Variants in CCT8L2 observed in about 807,000 individuals in gnomAD.
The protein encoded by CCT8L2 is chaperonin containing TCP1 subunit 8 like 2, also known as T-complex protein 1 subunit theta-like 2.
A neutral mutation model predicts 31.5 loss-of-function variants in CCT8L2; 29 were observed. The ratio of observed to expected loss-of-function variants is 0.92; its 90% CI spans 0.68 to 1.25. The LOEUF is 1.25. Ranked by LOEUF, CCT8L2 falls within the 50% of genes most tolerant of loss-of-function variation. CCT8L2 has a pLI of 0.00. For missense variants in CCT8L2, 589 were observed against 695.7 expected, an observed-to-expected ratio of 0.85 and a Z score of 1.73; for synonymous variants, 256 against 290.1, an observed-to-expected ratio of 0.88 and a Z score of 1.19.
Position 16,592,142 on chromosome 22 carries a change from C to G in CCT8L2, c.409G>C (p.Ala137Pro), listed in dbSNP as rs368569729. The G allele has an allele frequency of 6.2e-7, 1 of 1,614,148 alleles. No individual in the cohort carries two copies. The highest frequency in any genetic ancestry group is 1.7e-5 in the Admixed American group (1 of 60,020). ...GCCAGGACCTCTGCAGTGGCCGTGG[C>G]GTAGGCCTCCCGGAGCTGCGGGCGA... ...LPRPQLREAY[A>P]TATAEVLATL... The change falls in exon 1 of 1, where the codon GCC becomes CCC. Residue 137 changes from alanine to proline, a missense_variant. Physicochemically the swap from Ala to Pro is conservative, Grantham distance 27. Transcript: ENST00000359963.
chr22:16,591,392 T>A lies in CCT8L2; in HGVS notation c.1159A>T (p.Ser387Cys). Residue 387 changes from serine to cysteine, a missense_variant, in exon 1 of 1, where the codon AGT becomes TGT. Ser to Cys is a moderately radical substitution (Grantham distance 112). Transcript: ENST00000359963. ...LRGATTQGLR[S>C]AEQAVYHGID... ...CCGTGGTAGACGGCCTGCTCTGCAC[T>A]CCGCAGCCCCTGGGTGGTGGCTCCC... The A allele has an allele frequency of 1.2e-6, 2 of 1,614,046 alleles. 1 individual carries two copies. Among genetic ancestry groups the A allele is most frequent in the South Asian group, 2.2e-5 (2 of 91,082 alleles).
Position 16,591,150 on chromosome 22 carries a change from C to A in CCT8L2, c.1401G>T (p.Met467Ile). ...GGTTCCCACCTTGGTGCACTCCACTCATTTCTGCCATCACGTCTGAGACAG... is the reference window on the plus strand; with the variant it reads ...GGTTCCCACCTTGGTGCACTCCACTAATTTCTGCCATCACGTCTGAGACAG... ...GLAVSDVMAE[M>I]SGVHQGGNLL... is the part of the protein sequence containing the mutation. Residue 467 changes from methionine (M) to isoleucine (I), a missense_variant, in exon 1 of 1, where the codon ATG becomes ATT. Coordinates refer to ENST00000359963, the MANE Select transcript of CCT8L2 (RefSeq NM_014406.5). 1 of 1,614,030 alleles carries A rather than the reference C, an allele frequency of 6.2e-7. No homozygotes were observed. Among genetic ancestry groups the A allele is most frequent in the Non-Finnish European group, 8.5e-7 (1 of 1,179,882 alleles).
rs772536443 is a variant in CCT8L2, at chr22:16,592,004, G to A, written c.547C>T (p.Leu183=). 5 of 1,614,204 alleles carry A rather than the reference G, an allele frequency of 3.1e-6. No homozygotes were observed. The highest frequency in any genetic ancestry group is 1.7e-5 in the Admixed American group (1 of 60,036). ...ATAGCCCAGCAGGCGTGGGCCACCA[G>A]CTTGGTCAAGTGGTCCATGGGGGAC... is the stretch of plus-strand genomic sequence containing the variant. ...TLSPMDHLTK[L]VAHACWAIKE... is the part of the protein sequence containing the mutation. The change falls in exon 1 of 1, where the codon CTG becomes TTG. Residue 183 remains leucine (L), a synonymous_variant. Coordinates refer to ENST00000359963, the MANE Select transcript of CCT8L2 (RefSeq NM_014406.5).
Position 16,592,154 on chromosome 22 carries a change from G to A in CCT8L2, c.397C>T (p.Arg133Trp), listed in dbSNP as rs576628432. The A allele has an allele frequency of 8.3e-5, 134 of 1,614,128 alleles. 1 individual carries two copies. In the South Asian group the frequency reaches 1.2e-3, roughly 14 times the overall value. ...GCAGTGGCCGTGGCGTAGGCCTCCC[G>A]GAGCTGCGGGCGAGGCAGGCCAGCC... ...LKAGLPRPQL[R>W]EAYATATAEV... Residue 133 changes from arginine to tryptophan, a missense_variant, in exon 1 of 1, where the codon CGG (arginine) becomes TGG (tryptophan). Coordinates refer to ENST00000359963, the MANE Select transcript of CCT8L2 (RefSeq NM_014406.5).
Position 16,591,381 on chromosome 22 carries a change from C to T in CCT8L2, c.1170G>A (p.Gln390=), listed in dbSNP as rs2059589257. 6.2e-7 allele frequency: 1 copy of T among 1,613,926 alleles called. No homozygotes were observed. Among genetic ancestry groups the T allele is most frequent in the Non-Finnish European group, 8.5e-7 (1 of 1,179,888 alleles). ...ATTQGLRSAE[Q]AVYHGIDAYF... ...AGGCATCAATGCCGTGGTAGACGGCCTGCTCTGCACTCCGCAGCCCCTGGG... is the reference window on the plus strand; with the variant it reads ...AGGCATCAATGCCGTGGTAGACGGCTTGCTCTGCACTCCGCAGCCCCTGGG... The change falls in exon 1 of 1, where the codon CAG becomes CAA. Residue 390 remains glutamine, a synonymous_variant. Transcript: ENST00000359963.
Position 16,592,462 on chromosome 22 carries a change from T to G in CCT8L2, c.89A>C (p.Glu30Ala). The change falls in exon 1 of 1, where the codon GAG becomes GCG. Residue 30 changes from glutamate (E) to alanine (A), a missense_variant. Transcript: ENST00000359963. Reference sequence around the variant, plus strand: ...AGCCAAGCTGCTCAGCAGGTGGGGCTCCTCCTCTTCTGGACTCCTCGGGCT... The same window carrying G: ...AGCCAAGCTGCTCAGCAGGTGGGGCGCCTCCTCTTCTGGACTCCTCGGGCT... ...RESPRSPEEE[E>A]PHLLSSLAAV... is the part of the protein sequence containing the mutation. 1 of 1,614,086 alleles carries G rather than the reference T, an allele frequency of 6.2e-7. No homozygotes were observed. Among genetic ancestry groups the G allele is most frequent in the Non-Finnish European group, 8.5e-7 (1 of 1,180,030 alleles).
Position 16,591,931 on chromosome 22 carries a change from G to A in CCT8L2, c.620C>T (p.Ala207Val), listed in dbSNP as rs376606608. Residue 207 changes from alanine to valine, a missense_variant, in exon 1 of 1, where the codon GCG becomes GTG. Coordinates refer to ENST00000359963, the MANE Select transcript of CCT8L2 (RefSeq NM_014406.5). ...SFKPERVGVC[A>V]LPGGTLEDSC... Reference sequence around the variant, plus strand: ...ATCCTCCAGTGTCCCCCCGGGCAGCGCGCACACCCCAACACGCTCAGGCTT... The same window carrying A: ...ATCCTCCAGTGTCCCCCCGGGCAGCACGCACACCCCAACACGCTCAGGCTT... 30 of 1,613,974 alleles carry A rather than the reference G, an allele frequency of 1.9e-5. No homozygotes were observed. Among genetic ancestry groups the A allele is most frequent in the African/African-American group, 4.0e-5 (3 of 74,912 alleles).
At position 16,592,275 on chromosome 22, in the gene CCT8L2, T is replaced by A. The variant is rs528284128; in HGVS notation, c.276A>T (p.Glu92Asp). 6.2e-7 allele frequency: 1 copy of A among 1,614,250 alleles called. No homozygotes were observed. The highest frequency in any genetic ancestry group is 1.1e-5 in the South Asian group (1 of 91,084). The change falls in exon 1 of 1, where the codon GAA (glutamate) becomes GAT (aspartate). Residue 92 changes from glutamate (E) to aspartate (D), a missense_variant. Glu to Asp is a conservative substitution (Grantham distance 45, BLOSUM62 2). Transcript: ENST00000359963. ...LEHPAAWLLR[E>D]AGQTQAENSG... Reference sequence around the variant, plus strand: ...TATTCTCTGCCTGGGTTTGTCCTGCTTCCCGGAGGAGCCATGCTGCTGGGT... The same window carrying A: ...TATTCTCTGCCTGGGTTTGTCCTGCATCCCGGAGGAGCCATGCTGCTGGGT...
rs758005609 is a variant in CCT8L2 at position 16,592,242 on chromosome 22, G to A, written c.309C>T (p.Asp103=). 1.0e-4 allele frequency: 163 copies of A among 1,614,226 alleles called. No individual in the cohort carries two copies. The highest frequency in any genetic ancestry group is 4.1e-4 in the South Asian group (37 of 91,084). The change falls in exon 1 of 1, where the codon GAC becomes GAT. Residue 103 remains aspartate, a synonymous_variant. Transcript: ENST00000359963. ...AGQTQAENSG[D]GTAFVVLLTE... ...TCAGCAGAACCACGAAGGCTGTGCC[G>A]TCCCCACTATTCTCTGCCTGGGTTT...
Position 16,591,654 on chromosome 22 carries a change from G to A in CCT8L2, c.897C>T (p.Val299=), listed in dbSNP as rs141440063. ...GINVAVVLGE[V]DEETLTLADK... is the part of the protein sequence containing the mutation. ...CCGCCAGTGTGAGGGTCTCCTCGTCGACCTCCCCCAACACCACTGCCACAT... is the reference window on the plus strand; with the variant it reads ...CCGCCAGTGTGAGGGTCTCCTCGTCAACCTCCCCCAACACCACTGCCACAT... Residue 299 remains valine (V), a synonymous_variant, in exon 1 of 1, where the codon GTC becomes GTT. Coordinates refer to ENST00000359963, the MANE Select transcript of CCT8L2 (RefSeq NM_014406.5). 5.1e-5 allele frequency: 82 copies of A among 1,614,080 alleles called. No individual in the cohort carries two copies. In the African/African-American group the frequency reaches 5.5e-4, roughly 11 times the overall value.
chr22:16,591,369 G>A lies in CCT8L2; in HGVS notation c.1182C>T (p.His394=), dbSNP rs775966898. 40 of 1,613,932 alleles carry A rather than the reference G, an allele frequency of 2.5e-5. No individual in the cohort carries two copies. Among genetic ancestry groups the A allele is most frequent in the South Asian group, 1.6e-4 (15 of 91,084 alleles). Residue 394 remains histidine, a synonymous_variant, in exon 1 of 1, where the codon CAC becomes CAT. Transcript: ENST00000359963. ...GLRSAEQAVY[H]GIDAYFQLCQ... is the part of the protein sequence containing the mutation. ...ATAGCTGGAAATAGGCATCAATGCC[G>A]TGGTAGACGGCCTGCTCTGCACTCC...
At position 16,591,650 on chromosome 22, in the gene CCT8L2, C is replaced by T. The variant is rs2059590537; in HGVS notation, c.901G>A (p.Glu301Lys). The stretch of plus-strand genomic sequence containing the variant: ...TTGTCCGCCAGTGTGAGGGTCTCCT[C>T]GTCGACCTCCCCCAACACCACTGCC... ...NVAVVLGEVDEETLTLADKYG... is the reference protein window; with the variant it reads ...NVAVVLGEVDKETLTLADKYG... Residue 301 changes from glutamate to lysine, a missense_variant, in exon 1 of 1, where the codon GAG (glutamate) becomes AAG (lysine). By Grantham distance (56) the Glu-to-Lys change is moderately conservative (BLOSUM62 1). Coordinates refer to ENST00000359963, the MANE Select transcript of CCT8L2 (RefSeq NM_014406.5). 4 of 1,614,198 alleles carry T rather than the reference C, an allele frequency of 2.5e-6. No homozygotes were observed. The highest frequency in any genetic ancestry group is 3.4e-6 in the Non-Finnish European group (4 of 1,180,044).
In CCT8L2 at chr22:16,591,422, G is replaced by C. The variant is rs150124372; in HGVS notation, c.1129C>G (p.Leu377Val). Residue 377 changes from leucine to valine, a missense_variant, in exon 1 of 1, where the codon CTC becomes GTC. Transcript: ENST00000359963. ...CTGTPALTVV[L>V]RGATTQGLRS... is the part of the protein sequence containing the mutation. ...AGCCCCTGGGTGGTGGCTCCCCTGA[G>C]AACCACAGTGAGGGCAGGTGTGCCT... 14 of 1,613,948 alleles carry C rather than the reference G, an allele frequency of 8.7e-6. No homozygotes were observed. The highest frequency in any genetic ancestry group is 1.3e-5 in the African/African-American group (1 of 74,940).
rs140873291 is a variant in CCT8L2, at chr22:16,592,260, C to T, written c.291G>A (p.Gln97=). 1,394 of 1,614,266 alleles carry T rather than the reference C, an allele frequency of 8.6e-4. 6 individuals carry two copies. In the Admixed American group the frequency reaches 9.4e-3, roughly 11 times the overall value. The change falls in exon 1 of 1, where the codon CAG becomes CAA. Residue 97 remains glutamine (Q), a synonymous_variant. Transcript: ENST00000359963. ...CTGTGCCGTCCCCACTATTCTCTGC[C>T]TGGGTTTGTCCTGCTTCCCGGAGGA... ...AWLLREAGQT[Q]AENSGDGTAF...
In CCT8L2 at chr22:16,591,904, G is replaced by A. The variant is rs1470361258; in HGVS notation, c.647C>T (p.Ser216Phe). The change falls in exon 1 of 1, where the codon TCC becomes TTC. Residue 216 changes from serine to phenylalanine, a missense_variant. By Grantham distance (155) the Ser-to-Phe change is radical. Coordinates refer to ENST00000359963, the MANE Select transcript of CCT8L2 (RefSeq NM_014406.5). ...TATTGCTAACCCCGGGAGGAGGCAG[G>A]AATCCTCCAGTGTCCCCCCGGGCAG... is the stretch of plus-strand genomic sequence containing the variant. ...CALPGGTLED[S>F]CLLPGLAISG... The A allele has an allele frequency of 3.1e-6, 5 of 1,614,000 alleles. No individual in the cohort carries two copies. Among genetic ancestry groups the A allele is most frequent in the Non-Finnish European group, 4.2e-6 (5 of 1,180,028 alleles).
In CCT8L2 at chr22:16,590,945, C is replaced by T. The variant is rs2059587731; in HGVS notation, c.1606G>A (p.Asp536Asn). 6.2e-7 allele frequency: 1 copy of T among 1,613,886 alleles called. No individual in the cohort carries two copies. The highest frequency in any genetic ancestry group is 8.5e-7 in the Non-Finnish European group (1 of 1,179,862). Reference sequence around the variant, plus strand: ...GGGTGTTTCTTTGTCTTCTTAGAGTCAGGATTCCAGATCTCCTGATGTGTG... The same window carrying T: ...GGGTGTTTCTTTGTCTTCTTAGAGTTAGGATTCCAGATCTCCTGATGTGTG... Reference protein sequence around the residue: ...SPTHQEIWNPDSKKTKKHPPP... With the variant: ...SPTHQEIWNPNSKKTKKHPPP... The change falls in exon 1 of 1, where the codon GAC (aspartate) becomes AAC (asparagine). Residue 536 changes from aspartate (D) to asparagine (N), a missense_variant. Physicochemically the swap from Asp to Asn is conservative, Grantham distance 23. Transcript: ENST00000359963.
chr22:16,590,790 C>T lies in CCT8L2; in HGVS notation c.*87G>A. 1.0e-6 allele frequency: 1 copy of T among 977,992 alleles called. No individual in the cohort carries two copies. The allele number at this position is 977,992 out of a possible 1,614,324, so 60.6% of individuals were successfully genotyped here. On this transcript the variant is annotated 3_prime_UTR_variant, in exon 1 of 1. Coordinates refer to ENST00000359963, the MANE Select transcript of CCT8L2 (RefSeq NM_014406.5). The stretch of plus-strand genomic sequence containing the variant: ...ATGTTTTTATTTAAAGAAAGTGAAT[C>T]AAGTACCAAACACGGAATAAAGGCA...
chr22:16,592,799 G>C lies in CCT8L2; in HGVS notation c.-249C>G, dbSNP rs1285950811. The C allele has an allele frequency of 9.1e-6, 4 of 439,952 alleles. No homozygotes were observed. The East Asian group carries it at 1.4e-4, about 16-fold the overall frequency. The allele number at this position is 439,952 out of a possible 1,614,324, so 27.3% of individuals were successfully genotyped here. On this transcript the variant is annotated 5_prime_UTR_variant, in exon 1 of 1. Transcript: ENST00000359963. ...GATTCTGTAAAGGAACTGGGTCTTG[G>C]GGCCTCTCAACCTTGGTGGCTGAAA... is the stretch of plus-strand genomic sequence containing the variant.
rs181588099 is a variant in CCT8L2 at position 16,590,804 on chromosome 22, G to A, written c.*73C>T. The A allele has an allele frequency of 3.6e-4, 393 of 1,102,974 alleles. 3 individuals carry two copies. The African/African-American group carries it at 5.3e-3, about 15-fold the overall frequency. 68.3% of individuals were successfully genotyped at this position (1,102,974 alleles called of 1,614,324 possible). ...AGAAAGTGAATCAAGTACCAAACAC[G>A]GAATAAAGGCAAACATTCATTTTTG... On this transcript the variant is annotated 3_prime_UTR_variant, in exon 1 of 1. Coordinates refer to ENST00000359963, the MANE Select transcript of CCT8L2 (RefSeq NM_014406.5).
Sources: allele counts gnomAD v4.1 joint callset, GRCh38; gene constraint gnomAD v4.1.1; transcripts MANE v1.5; gene names NCBI Gene and HGNC (gene_info 2026-07-23, HGNC 2026-07-21).